Variants in ADAMTS9 observed in about 807,000 individuals in gnomAD.
ADAMTS9 encodes the protein ADAM metallopeptidase with thrombospondin type 1 motif 9.
A neutral mutation model predicts 257.1 loss-of-function variants in ADAMTS9; 107 were observed. The observed-to-expected ratio is 0.42, with a 90% confidence interval of 0.36 to 0.49. ADAMTS9 has a LOEUF of 0.49. Among genes scored for constraint, ADAMTS9 ranks in the 20% least tolerant of loss-of-function variants. The pLI, the probability that ADAMTS9 is intolerant of heterozygous loss-of-function variation, is 0.03. For synonymous variants in ADAMTS9, 982 were observed against 880.9 expected (o/e 1.11, Z -2.03); for missense variants, 2,353 against 2,469.1 (o/e 0.95, Z 1.00).
chr3:64,536,625 A>T (rs2083053337), intron 37 of ADAMTS9, among the ~76,000 whole-genome samples: 1 of 152,202 alleles, frequency 6.6e-6, no homozygotes, highest in African/African-American at 2.4e-5. Context: ...GCAGCTGTGT[A>T]GGTTTGGGCA....
At chr3:64,586,705 TTC>T (rs1229166118) in intron 28 of ADAMTS9, 1 of 152,146 alleles carries the variant, frequency 6.6e-6, no homozygotes, top group Non-Finnish European at 1.5e-5. Flanking sequence ...AGAGGTTTTT[TTC>T]TTTTTGACAC....
At chr3:64,543,862 G>C (rs2083161058) in intron 32 of ADAMTS9, among the ~76,000 whole-genome samples, 4 of 152,184 alleles carry the variant, frequency 2.6e-5, no homozygotes, top group Admixed American at 2.0e-4. Context: ...TGTATATTTA[G>C]AAAACCCCAT....
At chr3:64,581,689 A>G (rs1273740769) in intron 28 of ADAMTS9, among the ~76,000 whole-genome samples, 2 of 152,264 alleles carry the variant, frequency 1.3e-5, no homozygotes, top group African/African-American at 2.4e-5. Context: ...CACATAGCCA[A>G]TTGGTAATTT....
In ADAMTS9 at chr3:64,550,914, C is replaced by A. The variant is rs1221985899; in HGVS notation, c.4847G>T (p.Trp1616Leu). The change falls in exon 31 of 40, where the codon TGG becomes TTG. Residue 1616 changes from tryptophan to leucine, a missense_variant. Trp to Leu is a moderately conservative substitution (Grantham distance 61). Transcript: ENST00000498707. ...TACCTCTGACCATTCTCCTGTGATC[C>A]AGACATACTCGCAGGGTTGCAAACT... ...SCSLQPCEYVWITGEWSECSV... is the reference protein window; with the variant it reads ...SCSLQPCEYVLITGEWSECSV... The A allele has an allele frequency of 6.8e-6, 11 of 1,614,148 alleles. No individual in the cohort carries two copies. The South Asian group carries it at 1.2e-4, about 18-fold the overall frequency.
At chr3:64,615,537 A>G in intron 20 of ADAMTS9, 52 bp from the exon 21 acceptor site, 1 of 1,532,938 alleles carries the variant, frequency 6.5e-7, no homozygotes, top group South Asian at 1.3e-5. Context: ...CTTATAAAGT[A>G]TGCTGAAGAT....
chr3:64,554,232 G>C (rs1402859509), intron 30 of ADAMTS9, among the ~76,000 whole-genome samples: 1 of 152,138 alleles, frequency 6.6e-6, no homozygotes, highest in Non-Finnish European at 1.5e-5. Flanking sequence ...CTTAAAGAAT[G>C]GTTAACTACT....
chr3:64,604,247 G>A lies in ADAMTS9; in HGVS notation c.3559C>T (p.Arg1187Ter). 6.2e-7 allele frequency: 1 copy of A among 1,613,296 alleles called. No homozygotes were observed. The highest frequency in any genetic ancestry group is 8.5e-7 in the Non-Finnish European group (1 of 1,179,686). The change falls in exon 24 of 40, where the codon CGA becomes TGA. Residue 1187 changes from arginine to a stop codon, truncating the protein, a stop_gained. Transcript: ENST00000498707. LOFTEE classifies it high-confidence loss of function. Reference protein sequence around the residue: ...STYSAPRTQWRFGSWTPCSAT... With the variant: ...STYSAPRTQW ...CTTACTGGGGTCCAAGACCCAAATC[G>A]CCACTGGGTTCTTGGTGCACTGTAT...
intron 3 of ADAMTS9, among the ~76,000 whole-genome samples, chr3:64,663,483 A>T (rs369057511): frequency 6.7e-6 from 1 of 149,118 alleles, no homozygotes; most frequent in South Asian, 2.1e-4. Flanking sequence ...TATCAGAATC[A>T]TCAGAGGGGA....
intron 28 of ADAMTS9, among the ~76,000 whole-genome samples, chr3:64,591,246 C>A (rs1686533449): frequency 6.6e-6 from 1 of 152,042 alleles, no homozygotes. Flanking sequence ...TTGAAACCAG[C>A]CTGGCCAACA....
At chr3:64,525,999 A>T (rs2082905447) in intron 38 of ADAMTS9, among the ~76,000 whole-genome samples, 1 of 147,568 alleles carries the variant, frequency 6.8e-6, no homozygotes, top group South Asian at 2.1e-4. Flanking sequence ...AATATTTTAT[A>T]TATTTTATAT....
chr3:64,608,818 A>G (rs974010190), intron 22 of ADAMTS9, among the ~76,000 whole-genome samples: 1 of 151,996 alleles, frequency 6.6e-6, no homozygotes, highest in African/African-American at 2.4e-5. Flanking sequence ...ACCATAGCCG[A>G]AGACAACACA....
At chr3:64,628,583 C>G (rs950900776) in intron 16 of ADAMTS9, among the ~76,000 whole-genome samples, 1 of 152,168 alleles carries the variant, frequency 6.6e-6, no homozygotes, top group Non-Finnish European at 1.5e-5. Context: ...TGGATTCCCC[C>G]CCCAAAATAA....
At chr3:64,541,771 C>G in intron 33 of ADAMTS9, 67 bp downstream of exon 33, 1 of 1,593,464 alleles carries the variant, frequency 6.3e-7, no homozygotes, top group South Asian at 1.1e-5. Flanking sequence ...AAAGGGCAGG[C>G]AATCAAATGA....
At chr3:64,662,279 A>G (rs1190440313) in intron 3 of ADAMTS9, among the ~76,000 whole-genome samples, 4 of 152,034 alleles carry the variant, frequency 2.6e-5, no homozygotes, top group Admixed American at 2.6e-4. Context: ...TATGTTCTGT[A>G]TTACTTTTAT....
chr3:64,531,311 T>G (rs2082977981), intron 38 of ADAMTS9, among the ~76,000 whole-genome samples: 1 of 152,110 alleles, frequency 6.6e-6, no homozygotes. Flanking sequence ...TTTGATTAGG[T>G]AGAAGTATTT....
intron 29 of ADAMTS9, chr3:64,563,283 A>T (rs77510092): frequency 6.6e-6 from 1 of 152,328 alleles, no homozygotes; most frequent in East Asian, 1.9e-4. Flanking sequence ...AATGATGGAC[A>T]TGTTCAAATA....
At chr3:64,575,262 A>C (rs918563644) in intron 28 of ADAMTS9, among the ~76,000 whole-genome samples, 2 of 152,210 alleles carry the variant, frequency 1.3e-5, no homozygotes, top group Non-Finnish European at 2.9e-5. Flanking sequence ...CTCAAAGATT[A>C]TTCTGTCCAT....
At chr3:64,606,399 T>A (rs560277388) in intron 23 of ADAMTS9, among the ~76,000 whole-genome samples, 3 of 152,282 alleles carry the variant, frequency 2.0e-5, no homozygotes, top group South Asian at 2.1e-4. Context: ...TGGGGAGAGA[T>A]AGGTGGCAGC....
rs1358837422 is a variant in ADAMTS9 at position 64,633,840 on chromosome 3, C to T, written c.1896G>A (p.Met632Ile). The T allele has an allele frequency of 6.2e-7, 1 of 1,613,378 alleles. No individual in the cohort carries two copies. Among genetic ancestry groups the T allele is most frequent in the Non-Finnish European group, 8.5e-7 (1 of 1,179,898 alleles). The change falls in exon 13 of 40, where the codon ATG becomes ATA. Residue 632 changes from methionine (M) to isoleucine (I), a missense_variant. Met to Ile is a conservative substitution (Grantham distance 10, BLOSUM62 1). Around this residue, in one of 3 missense-constraint regions of ADAMTS9, gnomAD observed 360 missense variants for 458.1 expected, o/e 0.79. Transcript: ENST00000498707. Reference sequence around the variant, plus strand: ...GCTCCGTGTTGCAGGACTTAAATTTCATTCTACGTCCTACACAGTATTTTC... The same window carrying T: ...GCTCCGTGTTGCAGGACTTAAATTTTATTCTACGTCCTACACAGTATTTTC... ...NGGKYCVGRR[M>I]KFKSCNTEPC... is the part of the protein sequence containing the mutation.
Sources: gnomAD v4.1 joint callset for allele counts (sites outside exome capture counted in the v4.1 genomes callset) on GRCh38, gnomAD v4.1.1 for gene constraint, gnomAD v4.1.1 regional missense constraint, MANE v1.5 for transcripts, NCBI Gene and HGNC (gene_info 2026-07-23, HGNC 2026-07-21) for gene names.